The following FLOT2 variants were observed in gnomAD, a reference collection of about 807,000 sequenced individuals.
The protein encoded by FLOT2 is flotillin 2.
In FLOT2, 35 loss-of-function variants were observed where a neutral mutation model predicts 54.9. The observed-to-expected ratio is 0.64, with a 90% confidence interval of 0.49 to 0.84. The LOEUF is 0.84. Among genes scored for constraint, FLOT2 ranks in the 40% least tolerant of loss-of-function variants. The pLI is 0.00. For synonymous variants in FLOT2, 207 were observed against 228.9 expected (o/e 0.90, Z 0.86); for missense variants, 464 against 572.1 (o/e 0.81, Z 1.93).
Position 28,882,785 on chromosome 17 carries a change from G to T in FLOT2, c.347-94C>A. 1 of 826,146 alleles carries T rather than the reference G, an allele frequency of 1.2e-6. No homozygotes were observed. The highest frequency in any genetic ancestry group is 2.0e-6 in the Non-Finnish European group (1 of 494,800). The allele number at this position is 826,146 out of a possible 1,614,324, so 51.2% of individuals were successfully genotyped here. A position where few individuals can be genotyped will look rare whatever the true frequency, so the allele number is the denominator to read the frequency against. On this transcript the variant is annotated intron_variant, in intron 4 of 10. Transcript: ENST00000394908. This position sits in a 1 kb window ranked among gnomAD's most constrained non-coding sequence, Gnocchi z 5.6. ...ATGTAGAGGTAGGGGTGCATGCGGG[G>T]TGCTGCACTCTGAGCTGGGTCTTCC...
chr17:28,897,471 C>T lies in FLOT2; in HGVS notation c.49+55G>A. The stretch of plus-strand genomic sequence containing the variant: ...GCTCTTCCCCGTGCACTCCCCAGCC[C>T]TGCACCCACCCCGAGCACCCTCCAC... On this transcript the variant is annotated intron_variant, in intron 1 of 10. Transcript: ENST00000394908. This position sits in a 1 kb window ranked among gnomAD's most constrained non-coding sequence, Gnocchi z 4.4. 6.5e-7 allele frequency: 1 copy of T among 1,532,046 alleles called. No individual in the cohort carries two copies. The allele number at this position is 1,532,046 out of a possible 1,614,324, so 94.9% of individuals were successfully genotyped here.
In FLOT2 at chr17:28,883,256, C is replaced by T. The variant is rs2039487703; in HGVS notation, c.223-25G>A. 4 of 1,613,820 alleles carry T rather than the reference C, an allele frequency of 2.5e-6. No individual in the cohort carries two copies. Among genetic ancestry groups the T allele is most frequent in the East Asian group, 2.2e-5 (1 of 44,886 alleles). ...CCTGTCAGTGACGACAAAGGCGCTT[C>T]AGCTAGGCTGGAGCGAGGCAGACAA... On this transcript the variant is annotated intron_variant, in intron 3 of 10. Coordinates refer to ENST00000394908, the MANE Select transcript of FLOT2 (RefSeq NM_004475.3). The surrounding 1 kb of genome is among the most constrained non-coding windows in gnomAD (Gnocchi z 5.0).
intron 2 of FLOT2, chr17:28,885,758 C>T (rs563524243): frequency 1.1e-4 from 88 of 779,554 alleles, no homozygotes; most frequent in African/African-American, 1.7e-4. Flanking sequence ...GAGGAAGGCA[C>T]GGTCTCAGGA....
chr17:28,884,272 C>A lies in FLOT2; in HGVS notation c.175G>T (p.Val59Leu). 6.2e-7 allele frequency: 1 copy of A among 1,613,334 alleles called. No homozygotes were observed. The highest frequency in any genetic ancestry group is 8.5e-7 in the Non-Finnish European group (1 of 1,179,636). ...IMTLQPRCED[V>L]ETAEGVALTV... ...AAAGCTACCCCCTCGGCCGTCTCTA[C>A]GTCCTCGCAGCGGGGCTGCAACGTC... The change falls in exon 3 of 11, where the codon GTA becomes TTA. Residue 59 changes from valine (V) to leucine (L), a missense_variant. Physicochemically the swap from Val to Leu is conservative, Grantham distance 32. Coordinates refer to ENST00000394908, the MANE Select transcript of FLOT2 (RefSeq NM_004475.3). The surrounding 1 kb of genome is among the most constrained non-coding windows in gnomAD (Gnocchi z 5.1).
In FLOT2 at chr17:28,879,612, T is replaced by C; in HGVS notation, c.*949A>G. 9.1e-6 allele frequency: 9 copies of C among 985,828 alleles called. No homozygotes were observed. Among genetic ancestry groups the C allele is most frequent in the African/African-American group, 3.5e-5 (2 of 57,310 alleles). The allele number at this position is 985,828 out of a possible 1,614,324, so 61.1% of individuals were successfully genotyped here. Reference sequence around the variant, plus strand: ...CCATCACTCTGGCCAGGAAGAAAGATGGCACAAGGGCTCTGGGGTCTGGCC... The same window carrying C: ...CCATCACTCTGGCCAGGAAGAAAGACGGCACAAGGGCTCTGGGGTCTGGCC... On this transcript the variant is annotated 3_prime_UTR_variant, in exon 11 of 11. Transcript: ENST00000394908.
In FLOT2 at chr17:28,894,616, CTT is replaced by C. The variant is rs34266130; in HGVS notation, c.49+2908_49+2909del. Reference sequence around the variant, plus strand: ...TCCAGCCTGGGCAACAGAGCAAGACCTTTTTTTTTTTTTTTTTTTTTTTTTTT... The same window carrying C: ...TCCAGCCTGGGCAACAGAGCAAGACCTTTTTTTTTTTTTTTTTTTTTTTTT... On this transcript the variant is annotated intron_variant, in intron 1 of 10. Coordinates refer to ENST00000394908, the MANE Select transcript of FLOT2 (RefSeq NM_004475.3). 5.8e-3 allele frequency among the ~76,000 whole-genome samples: 275 copies of C among 47,422 alleles called. 2 individuals are homozygous for C. Among genetic ancestry groups the C allele is most frequent in the African/African-American group, 0.016 (216 of 13,474 alleles). The allele number at this position is 47,422 out of a possible 152,430, so 31.1% of individuals were successfully genotyped here.
At position 28,897,333 on chromosome 17, in the gene FLOT2, G is replaced by A. The variant is rs1373277320; in HGVS notation, c.49+193C>T. Among the ~76,000 whole-genome samples the A allele has an allele frequency of 1.3e-5, 2 of 152,246 alleles. No individual in the cohort carries two copies. Among genetic ancestry groups the A allele is most frequent in the African/African-American group, 4.8e-5 (2 of 41,472 alleles). ...CACAGCGGGAGGGGGAGCCCCTGGTGGGTGCCCGAGGGTGCGCAGCAAGGA... is the reference window on the plus strand; with the variant it reads ...CACAGCGGGAGGGGGAGCCCCTGGTAGGTGCCCGAGGGTGCGCAGCAAGGA... On this transcript the variant is annotated intron_variant, in intron 1 of 10. Coordinates refer to ENST00000394908, the MANE Select transcript of FLOT2 (RefSeq NM_004475.3). This position sits in a 1 kb window ranked among gnomAD's most constrained non-coding sequence, Gnocchi z 4.4.
chr17:28,884,155 C>G lies in FLOT2; in HGVS notation c.222+70G>C, dbSNP rs780352413. 1 of 1,168,462 alleles carries G rather than the reference C, an allele frequency of 8.6e-7. No individual in the cohort carries two copies. Among genetic ancestry groups the G allele is most frequent in the African/African-American group, 1.5e-5 (1 of 66,496 alleles). The allele number at this position is 1,168,462 out of a possible 1,614,324, so 72.4% of individuals were successfully genotyped here. A position where few individuals can be genotyped will look rare whatever the true frequency, so the allele number is the denominator to read the frequency against. ...CTGCCCCTGGCTGCTGTCCTCTCCT[C>G]CTCCCCCCGAACCCGAGTACGGGAC... On this transcript the variant is annotated intron_variant, in intron 3 of 10. Coordinates refer to ENST00000394908, the MANE Select transcript of FLOT2 (RefSeq NM_004475.3). This position sits in a 1 kb window ranked among gnomAD's most constrained non-coding sequence, Gnocchi z 5.1.
intron 1 of FLOT2, among the ~76,000 whole-genome samples, chr17:28,892,736 C>T (rs1368703005): frequency 2.0e-5 from 3 of 152,002 alleles, no homozygotes; most frequent in African/African-American, 4.8e-5. Context: ...ATGCAACTTC[C>T]GCCTCCCAGA....
rs2039508447 is a variant in FLOT2 at position 28,884,435 on chromosome 17, T to C, written c.132-120A>G. On this transcript the variant is annotated intron_variant, in intron 2 of 10. Transcript: ENST00000394908. This position sits in a 1 kb window ranked among gnomAD's most constrained non-coding sequence, Gnocchi z 5.1. ...CTGGTGAGGAAGGTGGAGGGAGGAC[T>C]CTCCACGGGGCTGAGATGGGAGTGT... The C allele has an allele frequency of 3.1e-6, 2 of 635,618 alleles. No homozygotes were observed. Among genetic ancestry groups the C allele is most frequent in the South Asian group, 3.6e-5 (2 of 55,020 alleles). 39.4% of individuals were successfully genotyped at this position (635,618 alleles called of 1,614,324 possible).
At position 28,880,712 on chromosome 17, in the gene FLOT2, C is replaced by A; in HGVS notation, c.1248+1G>T. ...CCCACCGCAGCTAGGCAGGCACATACCTTAGACAGGTCCACGCCTGTGAGG... is the reference window on the plus strand; with the variant it reads ...CCCACCGCAGCTAGGCAGGCACATAACTTAGACAGGTCCACGCCTGTGAGG... On this transcript the variant is annotated splice_donor_variant, in intron 10 of 10. Transcript: ENST00000394908. LOFTEE classifies it high-confidence loss of function. 1 of 1,614,216 alleles carries A rather than the reference C, an allele frequency of 6.2e-7. No homozygotes were observed. Among genetic ancestry groups the A allele is most frequent in the Non-Finnish European group, 8.5e-7 (1 of 1,180,038 alleles).
At position 28,886,059 on chromosome 17, in the gene FLOT2, G is replaced by GGC. The variant is rs67825709; in HGVS notation, c.132-1745_132-1744insGC. 130 of 502,642 alleles carry GGC rather than the reference G, an allele frequency of 2.6e-4. 5 individuals are homozygous for GGC. The African/African-American group carries it at 4.9e-3, about 19-fold the overall frequency. The allele number at this position is 502,642 out of a possible 1,614,324, so 31.1% of individuals were successfully genotyped here. On this transcript the variant is annotated intron_variant, in intron 2 of 10. Transcript: ENST00000394908. ...GCACCGATGCCTGACGCCTGGGGGC[G>GGC]GGGGGGGGCATGCTGTCAGTAATCC...
At chr17:28,880,969 C>T in intron 9 of FLOT2, 107 bp from the exon 10 acceptor site, 2 of 1,399,812 alleles carry the variant, frequency 1.4e-6, no homozygotes, top group Admixed American at 3.5e-5. Context: ...CCAAAGCAGC[C>T]TGGGTGGCCC....
At position 28,897,643 on chromosome 17, in the gene FLOT2, G is replaced by C. The variant is rs2039767304; in HGVS notation, c.-69C>G. The C allele has an allele frequency of 3.7e-6, 5 of 1,346,204 alleles. No individual in the cohort carries two copies. The highest frequency in any genetic ancestry group is 4.9e-6 in the Non-Finnish European group (5 of 1,026,906). 83.4% of individuals were successfully genotyped at this position (1,346,204 alleles called of 1,614,324 possible). ...ACAACAGCAGCGGGTCTGCAGCGCC[G>C]GCCGCGCCCAGCCTATCCCGCCACC... is the stretch of plus-strand genomic sequence containing the variant. On this transcript the variant is annotated 5_prime_UTR_variant, in exon 1 of 11. Transcript: ENST00000394908. The surrounding 1 kb of genome is among the most constrained non-coding windows in gnomAD (Gnocchi z 4.4).
At chr17:28,886,716 C>T (rs1460879977) in intron 2 of FLOT2, among the ~76,000 whole-genome samples, 1 of 152,136 alleles carries the variant, frequency 6.6e-6, no homozygotes, top group Non-Finnish European at 1.5e-5. Flanking sequence ...AGGCTGTGGA[C>T]AGTGTGGAAG....
chr17:28,882,396 C>A lies in FLOT2; in HGVS notation c.520G>T (p.Val174Leu). ...LSSLGKTQTA[V>L]VQRDADIGVA... ...CCAATGTCAGCATCTCTCTGCACCA[C>A]GGCAGTCTGCGTCTTGCCCAGGGAG... is the stretch of plus-strand genomic sequence containing the variant. The change falls in exon 6 of 11, where the codon GTG (valine) becomes TTG (leucine). Residue 174 changes from valine to leucine, a missense_variant. Transcript: ENST00000394908. This position sits in a 1 kb window ranked among gnomAD's most constrained non-coding sequence, Gnocchi z 5.6. 1 of 1,614,120 alleles carries A rather than the reference C, an allele frequency of 6.2e-7. No individual in the cohort carries two copies. Among genetic ancestry groups the A allele is most frequent in the Non-Finnish European group, 8.5e-7 (1 of 1,180,028 alleles).
intron 1 of FLOT2, among the ~76,000 whole-genome samples, chr17:28,891,540 T>C (rs1488000712): frequency 6.6e-6 from 1 of 152,248 alleles, no homozygotes; most frequent in Non-Finnish European, 1.5e-5. Flanking sequence ...AGAGCAGTCT[T>C]ATCCATGACA....
chr17:28,880,196 C>T lies in FLOT2; in HGVS notation c.*365G>A. ...GACAGATGCACAGAGAACTTCAAGG[C>T]ACCAGGATTCTGAGGAGCAGCAGGG... On this transcript the variant is annotated 3_prime_UTR_variant, in exon 11 of 11. Coordinates refer to ENST00000394908, the MANE Select transcript of FLOT2 (RefSeq NM_004475.3). 1.8e-6 allele frequency: 2 copies of T among 1,129,084 alleles called. No individual in the cohort carries two copies. The highest frequency in any genetic ancestry group is 2.2e-6 in the Non-Finnish European group (2 of 915,894). 69.9% of individuals were successfully genotyped at this position (1,129,084 alleles called of 1,614,324 possible).
chr17:28,887,293 G>A (rs554638577), intron 2 of FLOT2, among the ~76,000 whole-genome samples: 3 of 152,256 alleles, frequency 2.0e-5, no homozygotes, highest in South Asian at 2.1e-4. Context: ...ACTCTGACCC[G>A]AGAGGCTCCT....
Sources: allele counts gnomAD v4.1 joint callset (sites outside exome capture counted in the v4.1 genomes callset), GRCh38; gene constraint gnomAD v4.1.1; non-coding constraint Gnocchi (gnomAD v3.1); transcripts MANE v1.5; gene names NCBI Gene and HGNC (gene_info 2026-07-23, HGNC 2026-07-21).